Variants in TNFSF4 observed in about 807,000 individuals in gnomAD.
TNFSF4 encodes the protein TNF superfamily member 4, also known as tumor necrosis factor ligand superfamily member 4.
Under a neutral mutation model 7.3 loss-of-function variants are expected in TNFSF4, and 4 were observed. That is an observed-to-expected ratio of 0.55 (90% confidence interval 0.27 to 1.25). TNFSF4 has a LOEUF of 1.25. Among genes scored for constraint, TNFSF4 ranks in the 50% most tolerant of loss-of-function variants. The probability of loss-of-function intolerance (pLI) is 0.12; values close to 1 mark genes in which losing one functional copy is unlikely to be tolerated. For synonymous variants in TNFSF4, 76 were observed against 83.7 expected (o/e 0.91, Z 0.50); for missense variants, 181 against 208.8 (o/e 0.87, Z 0.82).
At chr1:173,426,459 A>C in the TNFSF4 span, among the ~76,000 whole-genome samples, 3 of 152,292 alleles carry the variant, frequency 2.0e-5, no homozygotes, top group African/African-American at 7.2e-5. Flanking sequence ...TAACATTCTA[A>C]TCCCCAGAAC....
chr1:173,385,456 A>C, the TNFSF4 span, among the ~76,000 whole-genome samples: 1 of 152,246 alleles, frequency 6.6e-6, no homozygotes, highest in Non-Finnish European at 1.5e-5. Flanking sequence ...CCACAAAATT[A>C]GTGATGATGT....
the TNFSF4 span, among the ~76,000 whole-genome samples, chr1:173,259,701 C>G: frequency 6.6e-6 from 1 of 152,154 alleles, no homozygotes; most frequent in African/African-American, 2.4e-5. Context: ...AAGACAACCA[C>G]AAGTATCAAT....
the TNFSF4 span, among the ~76,000 whole-genome samples, chr1:173,326,519 C>T: frequency 1.3e-5 from 2 of 152,046 alleles, no homozygotes; most frequent in Middle Eastern, 3.4e-3. Context: ...CTGGCCAGGG[C>T]AATCAGGCAG....
chr1:173,322,657 C>T, the TNFSF4 span, among the ~76,000 whole-genome samples: 7,649 of 152,148 alleles, frequency 0.05, 615 homozygotes, highest in African/African-American at 0.17. Flanking sequence ...GGGTGGCAGA[C>T]GGCACCTGGA....
the TNFSF4 span, among the ~76,000 whole-genome samples, chr1:173,442,969 G>A: frequency 6.6e-6 from 1 of 152,136 alleles, no homozygotes; most frequent in East Asian, 1.9e-4. Context: ...ACAGATGTTA[G>A]CCACCATGCC....
At chr1:173,303,459 T>C in the TNFSF4 span, among the ~76,000 whole-genome samples, 1 of 151,866 alleles carries the variant, frequency 6.6e-6, no homozygotes, top group East Asian at 1.9e-4. Flanking sequence ...GGCTGCTCTT[T>C]CCGTAGTTAG....
chr1:173,191,747 C>CAAA (rs1649488627), intron 1 of TNFSF4, among the ~76,000 whole-genome samples: 4 of 152,248 alleles, frequency 2.6e-5, no homozygotes, highest in Admixed American at 2.6e-4. Flanking sequence ...TATAGCATTT[C>CAAA]TTCGCTTTAG....
chr1:173,283,297 C>T, the TNFSF4 span, among the ~76,000 whole-genome samples: 53 of 152,164 alleles, frequency 3.5e-4, no homozygotes, highest in Middle Eastern at 6.8e-3. Flanking sequence ...CCTTTCCCCC[C>T]CCAAAAAAGA....
upstream of TNFSF4, among the ~76,000 whole-genome samples, chr1:173,209,187 A>C (rs540578127): frequency 1.7e-4 from 26 of 152,288 alleles, 1 homozygote; most frequent in Admixed American, 1.6e-3. Context: ...GATATTTTAC[A>C]CTTAATTGTC....
upstream of TNFSF4, among the ~76,000 whole-genome samples, chr1:173,208,441 G>A (rs1650272984): frequency 6.6e-6 from 1 of 152,158 alleles, no homozygotes; most frequent in Admixed American, 6.5e-5. Context: ...AGAAAAAATG[G>A]AAATGAGGCA....
the TNFSF4 span, among the ~76,000 whole-genome samples, chr1:173,291,482 T>C: frequency 6.6e-6 from 1 of 152,158 alleles, no homozygotes; most frequent in Non-Finnish European, 1.5e-5. Flanking sequence ...CCAGAATCAT[T>C]GGGACACAGT....
At chr1:173,349,761 A>G in the TNFSF4 span, among the ~76,000 whole-genome samples, 2 of 152,234 alleles carry the variant, frequency 1.3e-5, no homozygotes, top group Non-Finnish European at 2.9e-5. Flanking sequence ...AACTCAGAGA[A>G]TGACCAATGG....
chr1:173,235,870 G>T, the TNFSF4 span, among the ~76,000 whole-genome samples: 2 of 152,088 alleles, frequency 1.3e-5, no homozygotes, highest in Admixed American at 1.3e-4. Context: ...CATCTTGCTG[G>T]ACTTAATGCC....
At chr1:173,381,589 G>C in the TNFSF4 span, among the ~76,000 whole-genome samples, 3 of 152,128 alleles carry the variant, frequency 2.0e-5, no homozygotes, top group South Asian at 6.2e-4. Flanking sequence ...TTCTACCAAG[G>C]ACCCCTGAAC....
chr1:173,424,191 C>T, the TNFSF4 span, among the ~76,000 whole-genome samples: 1 of 152,230 alleles, frequency 6.6e-6, no homozygotes, highest in African/African-American at 2.4e-5. Context: ...CACATTCAGA[C>T]CACACCAGAA....
At chr1:173,266,418 T>G in the TNFSF4 span, among the ~76,000 whole-genome samples, 1 of 152,144 alleles carries the variant, frequency 6.6e-6, no homozygotes, top group Non-Finnish European at 1.5e-5. Flanking sequence ...CACCTCAAAA[T>G]AGGATGAACA....
the TNFSF4 span, among the ~76,000 whole-genome samples, chr1:173,404,161 G>T: frequency 6.6e-6 from 1 of 152,104 alleles, no homozygotes; most frequent in Non-Finnish European, 1.5e-5. Flanking sequence ...TGTGATAATG[G>T]GGCAAGTCCC....
the TNFSF4 span, among the ~76,000 whole-genome samples, chr1:173,431,417 A>T: frequency 6.6e-6 from 1 of 152,236 alleles, no homozygotes; most frequent in South Asian, 2.1e-4. Flanking sequence ...GTTGCACAGA[A>T]TTAAGAGCCA....
the TNFSF4 span, among the ~76,000 whole-genome samples, chr1:173,407,998 G>T: frequency 6.6e-6 from 1 of 152,130 alleles, no homozygotes; most frequent in East Asian, 1.9e-4. Flanking sequence ...CAGCCAGAAA[G>T]TTGGCAATCT....
Sources: gnomAD v4.1 joint callset for allele counts (sites outside exome capture counted in the v4.1 genomes callset) on GRCh38, gnomAD v4.1.1 for gene constraint, MANE v1.5 for transcripts, NCBI Gene and HGNC (gene_info 2026-07-23, HGNC 2026-07-21) for gene names.